The following COL26A1 variants were observed in gnomAD, a reference collection of about 807,000 sequenced individuals.
COL26A1 encodes collagen type XXVI alpha 1 chain, also known as collagen alpha-1(XXVI) chain.
In COL26A1, 41 loss-of-function variants were observed where a neutral mutation model predicts 59.3. The observed-to-expected ratio is 0.69, with a 90% CI of 0.54 to 0.90. The LOEUF is 0.90. Ranked by LOEUF, COL26A1 falls within the 40% of genes least tolerant of loss-of-function variation. The pLI, the probability that COL26A1 is intolerant of heterozygous loss-of-function variation, is 0.00. For missense variants in COL26A1, 612 were observed against 602.3 expected, an observed-to-expected ratio of 1.02 and a Z score of -0.17; for synonymous variants, 266 against 256.0, an observed-to-expected ratio of 1.04 and a Z score of -0.37.
intron 3 of COL26A1, among the ~76,000 whole-genome samples, chr7:101,516,626 A>G (rs1563022673): frequency 6.6e-6 from 1 of 152,174 alleles, no homozygotes; most frequent in African/African-American, 2.4e-5. Flanking sequence ...TCAGCCATGC[A>G]GTCTAGTCCC....
chr7:101,389,033 GT>G, intron 1 of COL26A1: 4 of 268,842 alleles, frequency 1.5e-5, no homozygotes, highest in South Asian at 4.7e-5. Context: ...TGAGGTGACC[GT>G]TTTTCACCTT....
intron 3 of COL26A1, among the ~76,000 whole-genome samples, chr7:101,519,515 C>T (rs913040807): frequency 2.0e-5 from 3 of 152,214 alleles, no homozygotes; most frequent in Non-Finnish European, 4.4e-5. Flanking sequence ...CCCTGCCACT[C>T]TGCACAGGCT....
intron 3 of COL26A1, among the ~76,000 whole-genome samples, chr7:101,455,968 G>A (rs985665687): frequency 8.5e-5 from 13 of 152,112 alleles, no homozygotes; most frequent in African/African-American, 3.1e-4. Flanking sequence ...TTACAGGCGC[G>A]AGCCACTGCA....
At chr7:101,489,870 CTTTCT>C (rs1794409776) in intron 3 of COL26A1, among the ~76,000 whole-genome samples, 1 of 56,712 alleles carries the variant, frequency 1.8e-5, no homozygotes, top group African/African-American at 6.1e-5. Context: ...TTCTTTCTTT[CTTTCT>C]TTCTTTCTTT....
At chr7:101,451,214 T>A (rs891549863) in intron 3 of COL26A1, among the ~76,000 whole-genome samples, 2 of 144,276 alleles carry the variant, frequency 1.4e-5, no homozygotes, top group African/African-American at 5.0e-5. Flanking sequence ...ATAATATATA[T>A]AAAATATGTT....
intron 2 of COL26A1, among the ~76,000 whole-genome samples, chr7:101,440,701 C>T (rs1216376659): frequency 2.0e-5 from 3 of 152,098 alleles, no homozygotes; most frequent in Non-Finnish European, 4.4e-5. Flanking sequence ...AGCGGTGGCT[C>T]ATGCCTGTAA....
chr7:101,543,364 C>CT (rs1315826170), intron 5 of COL26A1, among the ~76,000 whole-genome samples: 1 of 151,938 alleles, frequency 6.6e-6, no homozygotes, highest in African/African-American at 2.4e-5. Flanking sequence ...GAGATGGGGT[C>CT]TCACTATGTG....
intron 3 of COL26A1, among the ~76,000 whole-genome samples, chr7:101,531,138 T>C (rs1366164132): frequency 1.3e-5 from 2 of 152,020 alleles, no homozygotes; most frequent in Non-Finnish European, 2.9e-5. Context: ...GCCTGGCTAA[T>C]TTTTTGTATT....
At chr7:101,363,231 G>A (rs774899463) in intron 1 of COL26A1, 41 bp downstream of exon 1, 1 of 1,062,834 alleles carries the variant, frequency 9.4e-7, no homozygotes, top group Non-Finnish European at 1.3e-6. Context: ...GTGGGGGGAG[G>A]GAGCGGACAG....
At chr7:101,365,039 G>C (rs950514) in intron 1 of COL26A1, among the ~76,000 whole-genome samples, 88,143 of 152,012 alleles carry the variant, frequency 0.58, 27,135 homozygotes, top group African/African-American at 0.8. Flanking sequence ...GAAATATACA[G>C]TCATGGCTGA....
chr7:101,384,012 G>GTTTGTTTA (rs145059463), intron 1 of COL26A1, among the ~76,000 whole-genome samples: 1 of 151,548 alleles, frequency 6.6e-6, no homozygotes, highest in Admixed American at 6.6e-5. Context: ...TTGCAAGTTT[G>GTTTGTTTA]TTTATTTATT....
At chr7:101,525,955 T>G (rs573729897) in intron 3 of COL26A1, among the ~76,000 whole-genome samples, 1 of 152,206 alleles carries the variant, frequency 6.6e-6, no homozygotes, top group Non-Finnish European at 1.5e-5. Context: ...GCCAGTCTCC[T>G]TGGGGACAGC....
chr7:101,556,756 G>A (rs1355804461), intron 12 of COL26A1, among the ~76,000 whole-genome samples: 1 of 151,952 alleles, frequency 6.6e-6, no homozygotes, highest in Non-Finnish European at 1.5e-5. Context: ...ATGGATGAAT[G>A]AATGAATGGG....
intron 3 of COL26A1, among the ~76,000 whole-genome samples, chr7:101,464,329 ACCT>A (rs1206883031): frequency 7.9e-5 from 12 of 151,678 alleles, no homozygotes; most frequent in African/African-American, 2.9e-4. Flanking sequence ...CGAACTCCTG[ACCT>A]CAGATGATCC....
chr7:101,493,955 A>C (rs1442338703), intron 3 of COL26A1, among the ~76,000 whole-genome samples: 1 of 151,420 alleles, frequency 6.6e-6, no homozygotes, highest in Non-Finnish European at 1.5e-5. Context: ...AAAATACAGA[A>C]TGATGAGTGT....
intron 3 of COL26A1, among the ~76,000 whole-genome samples, chr7:101,450,934 C>CA (rs200852463): frequency 0.21 from 30,055 of 142,788 alleles, 7,894 homozygotes; most frequent in African/African-American, 0.62. Context: ...TATATATTAT[C>CA]AATAATTATA....
chr7:101,484,733 T>A (rs1328029809), intron 3 of COL26A1, among the ~76,000 whole-genome samples: 1 of 151,554 alleles, frequency 6.6e-6, no homozygotes, highest in Non-Finnish European at 1.5e-5. Context: ...TGGCACAGTC[T>A]CGGCTCACTA....
intron 2 of COL26A1, among the ~76,000 whole-genome samples, chr7:101,437,493 G>C (rs1432464141): frequency 6.6e-6 from 1 of 152,060 alleles, no homozygotes; most frequent in African/African-American, 2.4e-5. Context: ...TGGCCAAGGA[G>C]AGGAGGAGGG....
At chr7:101,485,998 C>A (rs1387103310) in intron 3 of COL26A1, among the ~76,000 whole-genome samples, 1 of 152,012 alleles carries the variant, frequency 6.6e-6, no homozygotes, top group East Asian at 1.9e-4. Flanking sequence ...CATGGTGAAA[C>A]CGCGTCTCTA....
Sources: allele counts gnomAD v4.1 joint callset (sites outside exome capture counted in the v4.1 genomes callset), GRCh38; gene constraint gnomAD v4.1.1; transcripts MANE v1.5; gene names NCBI Gene and HGNC (gene_info 2026-07-23, HGNC 2026-07-21).